The following ADAMTSL3 variants were observed in gnomAD, a reference collection of about 807,000 sequenced individuals.
ADAMTSL3 encodes the protein ADAMTS like 3.
ADAMTSL3 carries 128 observed loss-of-function variants against 201.7 expected under a neutral mutation model. The ratio of observed to expected loss-of-function variants is 0.63; its 90% CI spans 0.55 to 0.73. The LOEUF (loss-of-function observed/expected upper bound fraction) is 0.73. Among genes scored for constraint, ADAMTSL3 ranks in the 30% least tolerant of loss-of-function variants. The probability of loss-of-function intolerance (pLI) is 0.00; values close to 1 mark genes in which losing one functional copy is unlikely to be tolerated. For missense variants in ADAMTSL3, 1,990 were observed against 2,119.6 expected (o/e 0.94, Z 1.20); for synonymous variants, 738 against 748.4 (o/e 0.99, Z 0.23).
At chr15:83,673,808 A>T (rs2061358273) in intron 2 of ADAMTSL3, among the ~76,000 whole-genome samples, 1 of 152,242 alleles carries the variant, frequency 6.6e-6, no homozygotes, top group African/African-American at 2.4e-5. Context: ...TAAGGTCAAG[A>T]AAGAAAGCTA....
chr15:83,721,109 T>C (rs1452323453), intron 3 of ADAMTSL3, among the ~76,000 whole-genome samples: 1 of 152,236 alleles, frequency 6.6e-6, no homozygotes, highest in African/African-American at 2.4e-5. Context: ...AGCAATTTTT[T>C]ATGTTTTTAT....
At chr15:83,808,654 A>G (rs964104707) in intron 5 of ADAMTSL3, among the ~76,000 whole-genome samples, 2 of 152,212 alleles carry the variant, frequency 1.3e-5, no homozygotes, top group African/African-American at 2.4e-5. Flanking sequence ...TGAAATCAGT[A>G]TATCACAGAG....
At chr15:83,962,028 A>T (rs764638631) in intron 19 of ADAMTSL3, 7 of 151,896 alleles carry the variant, frequency 4.6e-5, no homozygotes, top group Non-Finnish European at 7.4e-5. Context: ...TGTGGGAGGG[A>T]CTCAGTTGGA....
Position 83,823,925 on chromosome 15 carries a change from CT to C in ADAMTSL3, c.600+3880del, listed in dbSNP as rs1567169520. The stretch of plus-strand genomic sequence containing the variant: ...TCTTCTTCTTCTTCTTCTTCTTCTT[CT>C]TCTTCTTCTTCTTCTTCTTCTTCTT... On this transcript the variant is annotated intron_variant, in intron 6 of 29. Transcript: ENST00000286744. Among the ~76,000 whole-genome samples the C allele has an allele frequency of 1.1e-4, 13 of 122,408 alleles. No homozygotes were observed. In the East Asian group the frequency reaches 1.1e-3, roughly 10 times the overall value. 80.3% of individuals were successfully genotyped at this position (122,408 alleles called of 152,430 possible).
At chr15:83,655,616 T>A in intron 1 of ADAMTSL3, 113 bp from the exon 2 acceptor site, 1 of 760,648 alleles carries the variant, frequency 1.3e-6, no homozygotes, top group South Asian at 1.8e-5. Context: ...CACAAACCTT[T>A]CCAAAATAGT....
rs1345825899 is a variant in ADAMTSL3, at chr15:84,037,897, C to T, written c.*91C>T. 1.4e-6 allele frequency: 2 copies of T among 1,478,678 alleles called. No homozygotes were observed. Among genetic ancestry groups the T allele is most frequent in the Non-Finnish European group, 1.8e-6 (2 of 1,115,108 alleles). The allele number at this position is 1,478,678 out of a possible 1,614,324, so 91.6% of individuals were successfully genotyped here. Reference sequence around the variant, plus strand: ...GTCGCTGATTCAAAAACATGTATTTCTTAAAAGACTAGATTCTATGGATCA... The same window carrying T: ...GTCGCTGATTCAAAAACATGTATTTTTTAAAAGACTAGATTCTATGGATCA... On this transcript the variant is annotated 3_prime_UTR_variant, in exon 30 of 30. Transcript: ENST00000286744.
intron 2 of ADAMTSL3, among the ~76,000 whole-genome samples, chr15:83,658,009 G>A (rs1016703970): frequency 2.0e-5 from 3 of 152,240 alleles, no homozygotes; most frequent in Non-Finnish European, 4.4e-5. Flanking sequence ...TGCTTCGTAT[G>A]TGCTGCCACC....
At chr15:83,954,906 C>A (rs1014576806) in intron 19 of ADAMTSL3, among the ~76,000 whole-genome samples, 1 of 152,220 alleles carries the variant, frequency 6.6e-6, no homozygotes, top group African/African-American at 2.4e-5. Context: ...GATGCAAGCA[C>A]CCCTATGGCC....
intron 25 of ADAMTSL3, 73 bp from the exon 26 acceptor site, chr15:84,021,337 T>C: frequency 6.5e-7 from 1 of 1,546,884 alleles, no homozygotes; most frequent in Non-Finnish European, 8.9e-7. Flanking sequence ...ATGGTGGTTT[T>C]TGGCCATGTC....
At chr15:83,909,311 A>C (rs2065893406) in intron 15 of ADAMTSL3, among the ~76,000 whole-genome samples, 1 of 152,132 alleles carries the variant, frequency 6.6e-6, no homozygotes, top group Non-Finnish European at 1.5e-5. Flanking sequence ...AGGGGTGAGG[A>C]GCCATTATTC....
At chr15:83,750,482 C>G (rs953422234) in intron 3 of ADAMTSL3, among the ~76,000 whole-genome samples, 5 of 152,132 alleles carry the variant, frequency 3.3e-5, no homozygotes, top group African/African-American at 1.2e-4. Context: ...TAACAAATGA[C>G]AAAGATAAAT....
chr15:83,954,206 T>C lies in ADAMTSL3; in HGVS notation c.2490+11124T>C, dbSNP rs541006295. ...GGTTATTTTCTAAATCTTGTAGGCA[T>C]GCTTCATTATTTTTTATTCTTTTTT... On this transcript the variant is annotated intron_variant, in intron 19 of 29. Coordinates refer to ENST00000286744, the MANE Select transcript of ADAMTSL3 (RefSeq NM_207517.3). Among the ~76,000 whole-genome samples, 10 of 152,326 alleles carry C rather than the reference T, an allele frequency of 6.6e-5. No individual in the cohort carries two copies. In the South Asian group the frequency reaches 2.1e-3, roughly 32 times the overall value.
At chr15:83,936,865 A>G (rs1311005006) in intron 17 of ADAMTSL3, among the ~76,000 whole-genome samples, 1 of 151,070 alleles carries the variant, frequency 6.6e-6, no homozygotes, top group Non-Finnish European at 1.5e-5. Flanking sequence ...GTGAACAGAC[A>G]CTTTCCAAAA....
intron 7 of ADAMTSL3, among the ~76,000 whole-genome samples, chr15:83,847,773 G>A (rs2064529653): frequency 6.6e-6 from 1 of 151,942 alleles, no homozygotes; most frequent in East Asian, 1.9e-4. Context: ...GGGATTACAG[G>A]TGTGAGCCAC....
At chr15:83,805,541 AG>A (rs2063589253) in intron 5 of ADAMTSL3, among the ~76,000 whole-genome samples, 1 of 151,580 alleles carries the variant, frequency 6.6e-6, no homozygotes, top group Non-Finnish European at 1.5e-5. Context: ...TGGGCAACAG[AG>A]TGAGACTCTG....
chr15:83,989,091 C>G (rs929533807), intron 22 of ADAMTSL3, among the ~76,000 whole-genome samples: 17 of 152,120 alleles, frequency 1.1e-4, no homozygotes, highest in African/African-American at 3.9e-4. Flanking sequence ...ACCATGTTAG[C>G]CAGGATGGTC....
chr15:83,765,895 G>C (rs2062881821), intron 3 of ADAMTSL3, among the ~76,000 whole-genome samples: 1 of 152,090 alleles, frequency 6.6e-6, no homozygotes, highest in African/African-American at 2.4e-5. Context: ...TTTATTGGGT[G>C]TTTTATTGTG....
intron 3 of ADAMTSL3, among the ~76,000 whole-genome samples, chr15:83,708,875 A>G (rs2061892272): frequency 6.6e-6 from 1 of 152,190 alleles, no homozygotes; most frequent in South Asian, 2.1e-4. Flanking sequence ...CTCATTCTAC[A>G]AGTCAAGAAA....
intron 15 of ADAMTSL3, among the ~76,000 whole-genome samples, chr15:83,908,767 C>T (rs534586451): frequency 1.2e-4 from 18 of 152,272 alleles, no homozygotes; most frequent in South Asian, 8.3e-4. Flanking sequence ...ACAAACTTAG[C>T]GGTGTAAAAC....
Sources: gnomAD v4.1 joint callset for allele counts (sites outside exome capture counted in the v4.1 genomes callset) on GRCh38, gnomAD v4.1.1 for gene constraint, MANE v1.5 for transcripts, NCBI Gene and HGNC (gene_info 2026-07-23, HGNC 2026-07-21) for gene names.